Variants in AKAP9 observed in about 807,000 individuals in gnomAD.
The protein encoded by AKAP9 is A-kinase anchor protein 9.
Under a neutral mutation model 488.5 loss-of-function variants are expected in AKAP9, and 311 were observed. The ratio of observed to expected loss-of-function variants is 0.64; its 90% CI spans 0.58 to 0.70. The LOEUF is 0.70. Among genes scored for constraint, AKAP9 ranks in the 30% least tolerant of loss-of-function variants. The pLI is 0.00. For synonymous variants in AKAP9, 1,462 were observed against 1,483.5 expected (o/e 0.99, Z 0.33); for missense variants, 4,215 against 4,374.5 (o/e 0.96, Z 1.03).
chr7:92,041,452 T>G (rs551307624), intron 18 of AKAP9: 1 of 154,118 alleles, frequency 6.5e-6, no homozygotes, highest in South Asian at 2.0e-4. Flanking sequence ...CTTCTTGATT[T>G]GAGAAATGCA....
intron 8 of AKAP9, among the ~76,000 whole-genome samples, chr7:92,011,459 A>T (rs7785095): frequency 0.42 from 63,086 of 151,996 alleles, 13,558 homozygotes; most frequent in African/African-American, 0.51. Context: ...AATTAATCTC[A>T]GTATTCAGTG....
At chr7:92,073,038 G>A (rs1387708900) in intron 28 of AKAP9, among the ~76,000 whole-genome samples, 1 of 152,088 alleles carries the variant, frequency 6.6e-6, no homozygotes, top group African/African-American at 2.4e-5. Context: ...GGCCCATTTT[G>A]TCTTGTTGGT....
chr7:92,013,059 T>C (rs1800988636), intron 9 of AKAP9, among the ~76,000 whole-genome samples: 1 of 134,276 alleles, frequency 7.4e-6, no homozygotes, highest in Non-Finnish European at 1.6e-5. Context: ...TGGCGGGATC[T>C]CGGCTCACTG....
intron 3 of AKAP9, among the ~76,000 whole-genome samples, chr7:91,983,504 A>G (rs908983735): frequency 4.6e-5 from 7 of 152,204 alleles, no homozygotes; most frequent in Admixed American, 3.3e-4. Flanking sequence ...TAGTGCCGCA[A>G]TAAACATAGG....
intron 1 of AKAP9, among the ~76,000 whole-genome samples, chr7:91,958,377 A>G (rs575569382): frequency 3.9e-5 from 6 of 152,288 alleles, no homozygotes; most frequent in East Asian, 1.9e-4. Context: ...TAAACTGTGC[A>G]GTGTTATTTG....
At chr7:92,051,824 A>G (rs934663475) in intron 21 of AKAP9, among the ~76,000 whole-genome samples, 1 of 152,216 alleles carries the variant, frequency 6.6e-6, no homozygotes, top group African/African-American at 2.4e-5. Context: ...ACTACATGTA[A>G]TAAAAGAATA....
chr7:91,993,377 C>T (rs547097955), intron 5 of AKAP9, among the ~76,000 whole-genome samples: 2 of 152,018 alleles, frequency 1.3e-5, no homozygotes, highest in South Asian at 4.2e-4. Flanking sequence ...GACAGGGTGT[C>T]ACCTCAGATT....
At chr7:91,986,392 A>G (rs931881539) in intron 3 of AKAP9, among the ~76,000 whole-genome samples, 1 of 152,106 alleles carries the variant, frequency 6.6e-6, no homozygotes, top group Non-Finnish European at 1.5e-5. Context: ...CTCACCCTCC[A>G]TGGGCTGCAC....
At chr7:91,969,611 T>A (rs1794809013) in intron 1 of AKAP9, among the ~76,000 whole-genome samples, 1 of 152,214 alleles carries the variant, frequency 6.6e-6, no homozygotes, top group Non-Finnish European at 1.5e-5. Flanking sequence ...TAGATATTTA[T>A]AATAGTTATA....
intron 2 of AKAP9, among the ~76,000 whole-genome samples, chr7:91,976,360 TAC>T (rs1275733047): frequency 6.6e-6 from 1 of 152,184 alleles, no homozygotes. Flanking sequence ...TAGCTGGGAC[TAC>T]AGGCCCATGC....
chr7:92,063,388 C>A, intron 24 of AKAP9: 1 of 850,978 alleles, frequency 1.2e-6, no homozygotes, highest in Non-Finnish European at 1.4e-6. Context: ...TGCATTATCC[C>A]ATTTTAGGAA....
chr7:92,000,908 A>G lies in AKAP9; in HGVS notation c.991A>G (p.Ile331Val). The G allele has an allele frequency of 6.9e-7, 1 of 1,449,406 alleles. No individual in the cohort carries two copies. The highest frequency in any genetic ancestry group is 9.3e-7 in the Non-Finnish European group (1 of 1,078,296). 89.8% of individuals were successfully genotyped at this position (1,449,406 alleles called of 1,614,324 possible). ...KEEIQEKETI[I>V]EELNTKIIEE... ...AGAAATACAGGAAAAGGAGACAATCATTGAAGAATTAAACACAAAAATAAT... is the reference window on the plus strand; with the variant it reads ...AGAAATACAGGAAAAGGAGACAATCGTTGAAGAATTAAACACAAAAATAAT... Residue 331 changes from isoleucine (I) to valine (V), a missense_variant, in exon 8 of 50, where the codon ATT becomes GTT. By Grantham distance (29) the Ile-to-Val change is conservative. This residue lies in a region of AKAP9 where 2,361 missense variants were observed against 2,430.0 expected (regional missense o/e 0.97). Transcript: ENST00000356239.
intron 3 of AKAP9, among the ~76,000 whole-genome samples, chr7:91,984,562 G>A (rs1373848815): frequency 1.3e-5 from 2 of 152,290 alleles, no homozygotes; most frequent in South Asian, 4.1e-4. Flanking sequence ...GTCAGGTAGT[G>A]TGATGCCCCC....
intron 1 of AKAP9, among the ~76,000 whole-genome samples, chr7:91,948,587 T>C (rs1356484474): frequency 6.8e-6 from 1 of 147,878 alleles, no homozygotes; most frequent in East Asian, 2.0e-4. Context: ...AATGCACTTT[T>C]TGGCCACTTG....
At chr7:91,971,773 G>A (rs571721159) in intron 1 of AKAP9, among the ~76,000 whole-genome samples, 39 of 151,282 alleles carry the variant, frequency 2.6e-4, no homozygotes, top group African/African-American at 8.7e-4. Context: ...GTTTCACTGT[G>A]TCAGCCAGGA....
At chr7:91,974,029 A>G (rs1031478536) in intron 2 of AKAP9, 61 bp downstream of exon 2, 8 of 1,587,796 alleles carry the variant, frequency 5.0e-6, no homozygotes, top group Non-Finnish European at 6.0e-6. Context: ...TCATAACAAC[A>G]GTCATTAGCA....
chr7:92,034,070 G>A (rs1804748310), intron 16 of AKAP9, among the ~76,000 whole-genome samples: 1 of 152,166 alleles, frequency 6.6e-6, no homozygotes, highest in African/African-American at 2.4e-5. Flanking sequence ...GTCATGGAAG[G>A]CCTGACTTAT....
At chr7:91,984,141 T>C (rs570799897) in intron 3 of AKAP9, among the ~76,000 whole-genome samples, 2 of 152,346 alleles carry the variant, frequency 1.3e-5, no homozygotes, top group Admixed American at 1.3e-4. Flanking sequence ...TTTAATTACA[T>C]CCCATTTGTC....
At chr7:92,029,609 C>A (rs1803890201) in intron 14 of AKAP9, among the ~76,000 whole-genome samples, 1 of 152,084 alleles carries the variant, frequency 6.6e-6, no homozygotes, top group Non-Finnish European at 1.5e-5. Flanking sequence ...TAGTGAGACC[C>A]CATCTTTCCA....
Sources: gnomAD v4.1 joint callset for allele counts (sites outside exome capture counted in the v4.1 genomes callset) on GRCh38, gnomAD v4.1.1 for gene constraint, gnomAD v4.1.1 regional missense constraint, MANE v1.5 for transcripts, NCBI Gene and HGNC (gene_info 2026-07-23, HGNC 2026-07-21) for gene names.